Variants in CSGALNACT1 observed in about 807,000 individuals in gnomAD.
The protein encoded by CSGALNACT1 is beta4GalNAcT-1.
CSGALNACT1 carries 52 observed loss-of-function variants against 51.0 expected under a neutral mutation model. The observed-to-expected ratio is 1.02, with a 90% CI of 0.82 to 1.29. CSGALNACT1 has a LOEUF of 1.29. Among genes scored for constraint, CSGALNACT1 ranks in the 50% most tolerant of loss-of-function variants. CSGALNACT1 has a pLI of 0.00. For missense variants in CSGALNACT1, 935 were observed against 679.2 expected (o/e 1.38, Z -4.19); for synonymous variants, 341 against 254.4 (o/e 1.34, Z -3.24).
At chr8:19,678,876 A>C (rs916351312) in intron 1 of CSGALNACT1, 2 of 152,208 alleles carry the variant, frequency 1.3e-5, no homozygotes, top group African/African-American at 4.8e-5. Context: ...TTATAATGAC[A>C]GTAACTACAA....
intron 1 of CSGALNACT1, among the ~76,000 whole-genome samples, chr8:19,618,458 T>C (rs2053336585): frequency 2.0e-5 from 3 of 151,378 alleles, no homozygotes; most frequent in African/African-American, 7.3e-5. Context: ...CTAGCCAACA[T>C]GGTGAAGTCA....
At chr8:19,587,654 G>A (rs778673307) in intron 3 of CSGALNACT1, among the ~76,000 whole-genome samples, 2 of 152,104 alleles carry the variant, frequency 1.3e-5, no homozygotes, top group Non-Finnish European at 2.9e-5. Context: ...ACATACAGAT[G>A]CCCTTTATGA....
intron 1 of CSGALNACT1, among the ~76,000 whole-genome samples, chr8:19,733,836 G>C (rs1179919948): frequency 6.6e-6 from 1 of 151,930 alleles, no homozygotes; most frequent in Non-Finnish European, 1.5e-5. Flanking sequence ...CATGAAAGTA[G>C]CCAGAAGGGA....
At chr8:19,474,888 A>AAG (rs1470456525) in intron 4 of CSGALNACT1, among the ~76,000 whole-genome samples, 18 of 149,006 alleles carry the variant, frequency 1.2e-4, no homozygotes, top group African/African-American at 2.7e-4. Flanking sequence ...AAAAAAAAAG[A>AAG]AAAAAAAAAG....
chr8:19,628,976 T>A (rs1022986634), intron 1 of CSGALNACT1, among the ~76,000 whole-genome samples: 3 of 152,194 alleles, frequency 2.0e-5, no homozygotes, highest in Admixed American at 2.0e-4. Flanking sequence ...AAAGACTGTA[T>A]TCCATTTTGG....
At chr8:19,626,729 G>A (rs899068597) in intron 1 of CSGALNACT1, among the ~76,000 whole-genome samples, 33 of 152,274 alleles carry the variant, frequency 2.2e-4, no homozygotes, top group African/African-American at 7.0e-4. Context: ...AAACTAAATA[G>A]TAAACAATCT....
chr8:19,584,108 A>G (rs1309995300), intron 3 of CSGALNACT1, among the ~76,000 whole-genome samples: 2 of 152,248 alleles, frequency 1.3e-5, no homozygotes, highest in East Asian at 1.9e-4. Flanking sequence ...AGTAAGTAGT[A>G]AAGAGGCCAT....
intron 4 of CSGALNACT1, among the ~76,000 whole-genome samples, chr8:19,490,811 C>T (rs1027320605): frequency 5.3e-5 from 8 of 152,138 alleles, no homozygotes; most frequent in Non-Finnish European, 1.0e-4. Context: ...CTGATTGAGA[C>T]CTAGAAGTTA....
Position 19,631,303 on chromosome 8 carries a change from A to C in CSGALNACT1, c.-543-29438T>G, listed in dbSNP as rs111549234. On this transcript the variant is annotated intron_variant, in intron 1 of 9. Transcript: ENST00000332246. ...AACTGTCTTCCCAAGTGGCTATACCATTTTGCACTCCCACCAGCAATGAAT... is the reference window on the plus strand; with the variant it reads ...AACTGTCTTCCCAAGTGGCTATACCCTTTTGCACTCCCACCAGCAATGAAT... 3.6e-3 allele frequency among the ~76,000 whole-genome samples: 545 copies of C among 151,928 alleles called. 2 individuals carry two copies. Among genetic ancestry groups the C allele is most frequent in the African/African-American group, 0.013 (522 of 41,472 alleles).
intron 5 of CSGALNACT1, among the ~76,000 whole-genome samples, chr8:19,452,692 C>A (rs986451472): frequency 1.3e-5 from 2 of 152,080 alleles, no homozygotes; most frequent in Admixed American, 1.3e-4. Context: ...GGGACTGACT[C>A]TTTGTGATGT....
chr8:19,709,636 T>C (rs2062381330), intron 1 of CSGALNACT1, among the ~76,000 whole-genome samples: 1 of 152,174 alleles, frequency 6.6e-6, no homozygotes, highest in African/African-American at 2.4e-5. Flanking sequence ...AAGGCCAAAA[T>C]AGCTTGTTGC....
chr8:19,553,595 A>AT (rs1326431990), intron 3 of CSGALNACT1, among the ~76,000 whole-genome samples: 12 of 146,338 alleles, frequency 8.2e-5, no homozygotes, highest in African/African-American at 2.8e-4. Flanking sequence ...ATATATATAT[A>AT]AAAATACATT....
In CSGALNACT1 at chr8:19,461,582, A is replaced by G. The variant is rs183474076; in HGVS notation, c.635-2940T>C. On this transcript the variant is annotated intron_variant, in intron 4 of 9. Transcript: ENST00000454498. ...TATCCGCACAGCGGCCACATTCACC[A>G]TGGGGGGCGTATCCGCACAGCGGCC... Among the ~76,000 whole-genome samples the G allele has an allele frequency of 6.3e-4, 51 of 80,694 alleles. 1 individual carries two copies. Among genetic ancestry groups the G allele is most frequent in the East Asian group, 2.7e-3 (2 of 732 alleles). 52.9% of individuals were successfully genotyped at this position (80,694 alleles called of 152,430 possible). A position where few individuals can be genotyped will look rare whatever the true frequency, so the allele number is the denominator to read the frequency against.
chr8:19,540,992 G>A (rs184817771), intron 3 of CSGALNACT1, among the ~76,000 whole-genome samples: 1 of 152,278 alleles, frequency 6.6e-6, no homozygotes, highest in African/African-American at 2.4e-5. Flanking sequence ...GTCATTTAAA[G>A]AAAGAATGAC....
chr8:19,675,107 TGA>T (rs2060081465), intron 1 of CSGALNACT1, among the ~76,000 whole-genome samples: 1 of 152,186 alleles, frequency 6.6e-6, no homozygotes, highest in South Asian at 2.1e-4. Flanking sequence ...CAGGTAAATC[TGA>T]GAGTTGCCAA....
intron 3 of CSGALNACT1, among the ~76,000 whole-genome samples, chr8:19,558,552 AT>A (rs1286469797): frequency 1.3e-5 from 2 of 152,208 alleles, no homozygotes; most frequent in Non-Finnish European, 2.9e-5. Flanking sequence ...ATTAACATAA[AT>A]CGAAATTATA....
chr8:19,733,343 C>T (rs777721272), intron 1 of CSGALNACT1, among the ~76,000 whole-genome samples: 19 of 152,208 alleles, frequency 1.2e-4, no homozygotes, highest in Non-Finnish European at 2.1e-4. Flanking sequence ...CCAAGGCCCA[C>T]ACTCCACCAA....
At chr8:19,655,577 CACAT>C (rs753480745) in intron 1 of CSGALNACT1, among the ~76,000 whole-genome samples, 36 of 147,632 alleles carry the variant, frequency 2.4e-4, no homozygotes, top group African/African-American at 7.4e-4. Flanking sequence ...CACACACACA[CACAT>C]ATATATATAT....
Position 19,407,888 on chromosome 8 carries a change from A to G in CSGALNACT1, c.1309+725T>C, listed in dbSNP as rs76073042. Among the ~76,000 whole-genome samples, 713 of 109,410 alleles carry G rather than the reference A, an allele frequency of 6.5e-3. 2 individuals are homozygous for G. The highest frequency in any genetic ancestry group is 8.8e-3 in the South Asian group (29 of 3,310). 71.8% of individuals were successfully genotyped at this position (109,410 alleles called of 152,430 possible). A position where few individuals can be genotyped will look rare whatever the true frequency, so the allele number is the denominator to read the frequency against. ...GTATATGAATTGTGTGTGCATGTGG[A>G]CATTTGTGTATATGAATTGTGTGTG... is the stretch of plus-strand genomic sequence containing the variant. On this transcript the variant is annotated intron_variant, in intron 9 of 9. Transcript: ENST00000454498.
Sources: allele counts gnomAD v4.1 joint callset (sites outside exome capture counted in the v4.1 genomes callset), GRCh38; gene constraint gnomAD v4.1.1; transcripts MANE v1.5; gene names NCBI Gene and HGNC (gene_info 2026-07-23, HGNC 2026-07-21).